Variants in MICAL3 observed in about 807,000 individuals in gnomAD.
MICAL3 encodes the protein microtubule associated monooxygenase, calponin and LIM domain containing 3.
Under a neutral mutation model 207.4 loss-of-function variants are expected in MICAL3, and 62 were observed. The observed-to-expected ratio is 0.30, with a 90% confidence interval of 0.24 to 0.37. The LOEUF is 0.37. Ranked by LOEUF, MICAL3 falls within the 10% of genes least tolerant of loss-of-function variation. MICAL3 has a pLI of 1.00. For synonymous variants in MICAL3, 1,077 were observed against 1,069.3 expected (o/e 1.01, Z -0.14); for missense variants, 2,368 against 2,635.6 (o/e 0.90, Z 2.22).
intron 29 of MICAL3, among the ~76,000 whole-genome samples, chr22:17,799,743 A>G (rs529720066): frequency 1.3e-5 from 2 of 152,284 alleles, no homozygotes; most frequent in South Asian, 4.2e-4. Flanking sequence ...AGCTGTCATG[A>G]CAGGGTGAGG....
chr22:17,848,379 A>G (rs1418617437), intron 19 of MICAL3, among the ~76,000 whole-genome samples: 2 of 152,236 alleles, frequency 1.3e-5, no homozygotes, highest in Non-Finnish European at 2.9e-5. Flanking sequence ...CGGGGATGAC[A>G]CCACGTGAAG....
chr22:17,862,715 A>G, intron 19 of MICAL3: 3 of 985,438 alleles, frequency 3.0e-6, no homozygotes, highest in Non-Finnish European at 3.6e-6. Context: ...TTCCTTTTCT[A>G]CCAAGGCTAG....
chr22:17,822,281 C>T (rs1921727174), intron 23 of MICAL3, 111 bp from the exon 24 acceptor site: 9 of 1,359,528 alleles, frequency 6.6e-6, no homozygotes, highest in Non-Finnish European at 8.9e-6. Flanking sequence ...TGCTCAGGTG[C>T]AGGCCTGGAG....
chr22:17,919,570 G>A (rs965342125), intron 1 of MICAL3, among the ~76,000 whole-genome samples: 7 of 152,344 alleles, frequency 4.6e-5, no homozygotes, highest in African/African-American at 1.2e-4. Context: ...GACAGAAGTC[G>A]TATCAAATGA....
intron 20 of MICAL3, among the ~76,000 whole-genome samples, chr22:17,836,209 A>C (rs1242606088): frequency 6.6e-6 from 1 of 152,246 alleles, no homozygotes; most frequent in African/African-American, 2.4e-5. Context: ...CGTGCTCTGC[A>C]GTCCTCTGCT....
chr22:17,900,804 A>C lies in MICAL3; in HGVS notation c.847+38T>G. The C allele has an allele frequency of 1.9e-6, 3 of 1,604,928 alleles. No homozygotes were observed. The highest frequency in any genetic ancestry group is 2.6e-6 in the Non-Finnish European group (3 of 1,173,726). On this transcript the variant is annotated intron_variant, in intron 6 of 31. Coordinates refer to ENST00000441493, the MANE Select transcript of MICAL3 (RefSeq NM_015241.3). The surrounding 1 kb of genome is among the most constrained non-coding windows in gnomAD (Gnocchi z 4.0). The stretch of plus-strand genomic sequence containing the variant: ...AGAAAAAGCCACCAGGGACTATTTA[A>C]GTTTCTATCCTAGGGCTCCGGAGAC...
chr22:17,917,026 T>C (rs537007019), intron 1 of MICAL3, among the ~76,000 whole-genome samples: 3 of 152,316 alleles, frequency 2.0e-5, no homozygotes, highest in South Asian at 2.1e-4. Context: ...TACCGAGATA[T>C]TGTTTTCAAT....
intron 1 of MICAL3, among the ~76,000 whole-genome samples, chr22:17,969,735 C>A (rs71328248): frequency 0.17 from 25,755 of 152,180 alleles, 2,567 homozygotes; most frequent in Middle Eastern, 0.25. Flanking sequence ...TGAGAAGCAG[C>A]CGATGCTGCT....
chr22:17,860,431 C>A, intron 19 of MICAL3: 1 of 985,426 alleles, frequency 1.0e-6, no homozygotes, highest in Non-Finnish European at 1.2e-6. Flanking sequence ...GTACCGCCGC[C>A]GGGAAGCCGG....
intron 17 of MICAL3, among the ~76,000 whole-genome samples, chr22:17,868,072 C>G (rs1927331391): frequency 6.6e-6 from 1 of 152,160 alleles, no homozygotes; most frequent in Non-Finnish European, 1.5e-5. Context: ...ACTGTTTTCT[C>G]TAGGAAGGCA....
At chr22:17,977,906 C>T (rs1023414207) in intron 1 of MICAL3, among the ~76,000 whole-genome samples, 2 of 152,024 alleles carry the variant, frequency 1.3e-5, no homozygotes, top group Non-Finnish European at 2.9e-5. Context: ...CCTGTAACCC[C>T]AGCTACTCGG....
At chr22:17,797,785 G>A (rs769205865) in intron 29 of MICAL3, among the ~76,000 whole-genome samples, 3 of 152,208 alleles carry the variant, frequency 2.0e-5, no homozygotes, top group Non-Finnish European at 2.9e-5. Context: ...CAAACGCACC[G>A]GCCACCAACG....
intron 13 of MICAL3, among the ~76,000 whole-genome samples, chr22:17,887,959 G>A (rs186191872): frequency 6.6e-5 from 10 of 152,280 alleles, no homozygotes; most frequent in Middle Eastern, 3.4e-3. Flanking sequence ...GGCTAACCAG[G>A]AAAAGCCACA....
intron 1 of MICAL3, 50 bp from the exon 2 acceptor site, chr22:17,906,936 T>A: frequency 1.0e-6 from 1 of 977,378 alleles, no homozygotes; most frequent in Non-Finnish European, 1.5e-6. Flanking sequence ...TCTACAAACA[T>A]TCTCCAGGAG....
chr22:17,885,082 A>G (rs943461868), intron 16 of MICAL3, among the ~76,000 whole-genome samples: 1 of 152,200 alleles, frequency 6.6e-6, no homozygotes, highest in African/African-American at 2.4e-5. Flanking sequence ...AAGAAGTCAG[A>G]GTGACTTTTA....
chr22:17,817,242 C>T, intron 26 of MICAL3, 69 bp downstream of exon 26: 1 of 1,475,842 alleles, frequency 6.8e-7, no homozygotes, highest in Non-Finnish European at 9.0e-7. Context: ...ATCCTGAGAG[C>T]CCCAGTGACC....
chr22:17,862,859 G>C, intron 19 of MICAL3: 1 of 985,482 alleles, frequency 1.0e-6, no homozygotes, highest in Non-Finnish European at 1.2e-6. Flanking sequence ...CAAGCTGGGG[G>C]ACAGTGCCTG....
chr22:17,870,424 A>G (rs986546733), intron 17 of MICAL3, among the ~76,000 whole-genome samples: 2 of 152,116 alleles, frequency 1.3e-5, no homozygotes, highest in Non-Finnish European at 2.9e-5. Context: ...GCTACTCTTC[A>G]TGGGTCTCAT....
chr22:17,904,930 G>T, intron 2 of MICAL3, 91 bp from the exon 3 acceptor site: 1 of 970,050 alleles, frequency 1.0e-6, no homozygotes, highest in Non-Finnish European at 1.6e-6. Flanking sequence ...ACTCCCTAAA[G>T]CCCCGAAATA....
Sources: gnomAD v4.1 joint callset for allele counts (sites outside exome capture counted in the v4.1 genomes callset) on GRCh38, gnomAD v4.1.1 for gene constraint, Gnocchi (gnomAD v3.1) non-coding constraint, MANE v1.5 for transcripts, NCBI Gene and HGNC (gene_info 2026-07-23, HGNC 2026-07-21) for gene names.